Variants in CAND1 observed in about 807,000 individuals in gnomAD.
CAND1 encodes cullin-associated NEDD8-dissociated protein 1.
CAND1 carries 7 observed loss-of-function variants against 108.5 expected under a neutral mutation model. That is an observed-to-expected ratio of 0.06 (90% CI 0.04 to 0.12). The LOEUF is 0.12. Ranked by LOEUF, CAND1 falls within the 10% of genes least tolerant of loss-of-function variation. CAND1 has a pLI of 1.00. For missense variants in CAND1, 941 were observed against 1,448.7 expected, an observed-to-expected ratio of 0.65 and a Z score of 5.69; for synonymous variants, 534 against 512.0, an observed-to-expected ratio of 1.04 and a Z score of -0.58.
rs550132827 is a variant in CAND1 at position 67,276,838 on chromosome 12, A to G, written c.69-5072A>G. Among the ~76,000 whole-genome samples the G allele has an allele frequency of 2.5e-4, 38 of 152,296 alleles. 1 individual carries two copies. In the South Asian group the frequency reaches 7.0e-3, roughly 28 times the overall value. On this transcript the variant is annotated intron_variant, in intron 1 of 14. Transcript: ENST00000545606. Reference sequence around the variant, plus strand: ...GCTGTTTTTTTCTTTATCAGTGCCCACTTTTGGCCAAGGGTAGACAAAGTT... The same window carrying G: ...GCTGTTTTTTTCTTTATCAGTGCCCGCTTTTGGCCAAGGGTAGACAAAGTT...
At chr12:67,276,239 G>C (rs1471408799) in intron 1 of CAND1, among the ~76,000 whole-genome samples, 5 of 152,198 alleles carry the variant, frequency 3.3e-5, no homozygotes, top group Non-Finnish European at 7.3e-5. Context: ...TGAATTCGTA[G>C]AGACTGCTCT....
Position 67,281,982 on chromosome 12 carries a change from G to A in CAND1, c.141G>A (p.Arg47=), listed in dbSNP as rs1193909573. The A allele has an allele frequency of 1.2e-6, 2 of 1,611,186 alleles. No homozygotes were observed. The highest frequency in any genetic ancestry group is 1.7e-4 in the Middle Eastern group (1 of 6,050). The part of the protein sequence containing the change: ...DSIKLDDDSE[R]KVVKMILKLL... ...TCAAGTTGGATGATGATAGTGAAAG[G>A]AAAGTAGTGAAAATGATTTTGAAGT... Residue 47 remains arginine (R), a synonymous_variant, in exon 2 of 15, where the codon AGG becomes AGA. Transcript: ENST00000545606.
intron 1 of CAND1, 135 bp downstream of exon 1, chr12:67,269,920 C>G: frequency 1.5e-6 from 1 of 649,598 alleles, no homozygotes; most frequent in Non-Finnish European, 2.6e-6. Context: ...CCCACCGGTC[C>G]GCTGGCCTCC....
intron 13 of CAND1, 79 bp from the exon 14 acceptor site, chr12:67,311,614 A>G: frequency 1.5e-6 from 1 of 647,230 alleles, no homozygotes; most frequent in South Asian, 1.7e-5. Flanking sequence ...ATTTTCCTTT[A>G]AAGGATTTGT....
In CAND1 at chr12:67,318,318, A is replaced by G. The variant is rs1414867931; in HGVS notation, c.*5488A>G. On this transcript the variant is annotated 3_prime_UTR_variant, in exon 15 of 15. Coordinates refer to ENST00000545606, the MANE Select transcript of CAND1 (RefSeq NM_018448.5). ...GACTCTACAGATAGATAGACATCAT[A>G]TATCATATTAGTTTGAATCCTGGCT... The G allele has an allele frequency of 6.6e-6, 1 of 152,228 alleles. No individual in the cohort carries two copies. Among genetic ancestry groups the G allele is most frequent in the Admixed American group, 6.5e-5 (1 of 15,282 alleles). The allele number at this position is 152,228 out of a possible 1,614,324, so 9.4% of individuals were successfully genotyped here.
At chr12:67,275,043 C>A (rs966853876) in intron 1 of CAND1, among the ~76,000 whole-genome samples, 2 of 152,056 alleles carry the variant, frequency 1.3e-5, no homozygotes, top group Admixed American at 1.3e-4. Context: ...TTTAAAAATA[C>A]TTAGAAGGTT....
chr12:67,292,016 C>T (rs2044726758), intron 2 of CAND1, among the ~76,000 whole-genome samples: 1 of 152,158 alleles, frequency 6.6e-6, no homozygotes, highest in Non-Finnish European at 1.5e-5. Flanking sequence ...CACATACCAG[C>T]AATGCCCAGC....
At chr12:67,289,494 TC>T (rs776525930) in intron 2 of CAND1, among the ~76,000 whole-genome samples, 2 of 152,128 alleles carry the variant, frequency 1.3e-5, no homozygotes, top group Non-Finnish European at 2.9e-5. Flanking sequence ...GCTCCAGTGA[TC>T]CTCACCTCAG....
At chr12:67,300,471 A>G (rs2044814301) in intron 7 of CAND1, among the ~76,000 whole-genome samples, 1 of 151,828 alleles carries the variant, frequency 6.6e-6, no homozygotes, top group Non-Finnish European at 1.5e-5. Context: ...CCCATCTCCC[A>G]CCTAACCTGT....
Position 67,297,399 on chromosome 12 carries a change from A to G in CAND1, c.492-8A>G, listed in dbSNP as rs754457959. The stretch of plus-strand genomic sequence containing the variant: ...GTTGTTTTCTTTCTTTTTTTATTTT[A>G]TTTTAAGGCAAGGAGGACTTCTTGT... On this transcript the variant is annotated splice_region_variant and splice_polypyrimidine_tract_variant and intron_variant, in intron 4 of 14. Coordinates refer to ENST00000545606, the MANE Select transcript of CAND1 (RefSeq NM_018448.5). 6.2e-7 allele frequency: 1 copy of G among 1,602,614 alleles called. No homozygotes were observed. Among genetic ancestry groups the G allele is most frequent in the East Asian group, 2.2e-5 (1 of 44,778 alleles).
Position 67,317,473 on chromosome 12 carries a change from A to ATTTTTT in CAND1, c.*4661_*4666dup, listed in dbSNP as rs61481589. On this transcript the variant is annotated 3_prime_UTR_variant, in exon 15 of 15. Coordinates refer to ENST00000545606, the MANE Select transcript of CAND1 (RefSeq NM_018448.5). ...CTTTTTTCTTTTTTTTTCTTTCTTAATTTTTTTTTTTTTTTTTTTTTTTGA... is the reference window on the plus strand; with the variant it reads ...CTTTTTTCTTTTTTTTTCTTTCTTAATTTTTTTTTTTTTTTTTTTTTTTTTTTTTGA... 55 of 88,128 alleles carry ATTTTTT rather than the reference A, an allele frequency of 6.2e-4. No individual in the cohort carries two copies. The highest frequency in any genetic ancestry group is 8.1e-4 in the Non-Finnish European group (38 of 47,038). 5.5% of individuals were successfully genotyped at this position (88,128 alleles called of 1,614,324 possible). A position where few individuals can be genotyped will look rare whatever the true frequency, so the allele number is the denominator to read the frequency against.
rs138846584 is a variant in CAND1 at position 67,299,007 on chromosome 12, T to C, written c.912T>C (p.Tyr304=). 1.1e-4 allele frequency: 172 copies of C among 1,515,094 alleles called. 2 individuals carry two copies. The East Asian group carries it at 3.8e-3, about 34-fold the overall frequency. 93.9% of individuals were successfully genotyped at this position (1,515,094 alleles called of 1,614,324 possible). The change falls in exon 7 of 15, where the codon TAT becomes TAC. Residue 304 remains tyrosine (Y), a synonymous_variant. Transcript: ENST00000545606. ...CCATTATAAATATTTGTCTTAAATA[T>C]CTTACCTATGATCCAAATTATAATT... The part of the protein sequence containing the change: ...VSTIINICLK[Y]LTYDPNYNYD...
Position 67,317,522 on chromosome 12 carries a change from TC to T in CAND1, c.*4695del, listed in dbSNP as rs2136028801. 1 of 142,646 alleles carries T rather than the reference TC, an allele frequency of 7.0e-6. No homozygotes were observed. The highest frequency in any genetic ancestry group is 2.2e-4 in the East Asian group (1 of 4,638). The allele number at this position is 142,646 out of a possible 1,614,324, so 8.8% of individuals were successfully genotyped here. ...GAGATTGATGGAGTCTTGCTTTGTC[TC>T]CCAGGCTGGAGTGCAGTGGCGCAAT... On this transcript the variant is annotated 3_prime_UTR_variant, in exon 15 of 15. Coordinates refer to ENST00000545606, the MANE Select transcript of CAND1 (RefSeq NM_018448.5).
intron 11 of CAND1, among the ~76,000 whole-genome samples, chr12:67,308,379 A>T (rs1621636): frequency 0.74 from 112,765 of 151,666 alleles, 42,865 homozygotes; most frequent in African/African-American, 0.9. Context: ...TATGAGAAAC[A>T]ACTTATTGGC....
chr12:67,294,622 A>T (rs2044751837), intron 3 of CAND1, among the ~76,000 whole-genome samples: 1 of 152,190 alleles, frequency 6.6e-6, no homozygotes, highest in African/African-American at 2.4e-5. Flanking sequence ...ATCTACTATT[A>T]CTAGTTATCT....
chr12:67,288,354 CT>C (rs1192016873), intron 2 of CAND1, among the ~76,000 whole-genome samples: 1 of 151,994 alleles, frequency 6.6e-6, no homozygotes, highest in Non-Finnish European at 1.5e-5. Context: ...TCTCGAACTC[CT>C]GACCTCAAGT....
At chr12:67,287,706 A>AT (rs552615697) in intron 2 of CAND1, among the ~76,000 whole-genome samples, 18 of 151,826 alleles carry the variant, frequency 1.2e-4, no homozygotes, top group East Asian at 7.7e-4. Flanking sequence ...TGTTTCATTG[A>AT]TTTTTTCTGT....
chr12:67,272,022 A>T (rs561881423), intron 1 of CAND1, among the ~76,000 whole-genome samples: 74 of 152,230 alleles, frequency 4.9e-4, no homozygotes, highest in African/African-American at 1.5e-3. Flanking sequence ...GCTCTTTTTT[A>T]AAAAAATGAT....
At chr12:67,292,827 CTCCCCACCCTTTTTTCCCCT>C (rs2044734749) in intron 3 of CAND1, 51 bp downstream of exon 3, 1 of 1,579,942 alleles carries the variant, frequency 6.3e-7, no homozygotes, top group Admixed American at 1.7e-5. Flanking sequence ...GGAGGTATTT[CTCCCCACCCTTTTTTCCCCT>C]TCTGGCCAAG....
Sources: gnomAD v4.1 joint callset for allele counts (sites outside exome capture counted in the v4.1 genomes callset) on GRCh38, gnomAD v4.1.1 for gene constraint, MANE v1.5 for transcripts, NCBI Gene and HGNC (gene_info 2026-07-23, HGNC 2026-07-21) for gene names.